Variants in TMPRSS15 observed in about 807,000 individuals in gnomAD.
TMPRSS15 encodes enteropeptidase.
In TMPRSS15, 128 loss-of-function variants were observed where a neutral mutation model predicts 125.3. The observed-to-expected ratio is 1.02, with a 90% CI of 0.89 to 1.18. The LOEUF (loss-of-function observed/expected upper bound fraction) is 1.18, where lower values mean the gene tolerates loss of function less well. Ranked by LOEUF, TMPRSS15 falls within the 50% of genes most tolerant of loss-of-function variation. TMPRSS15 has a pLI of 0.00. For missense variants in TMPRSS15, 1,283 were observed against 1,212.7 expected, an observed-to-expected ratio of 1.06 and a Z score of -0.86; for synonymous variants, 446 against 423.2, an observed-to-expected ratio of 1.05 and a Z score of -0.66.
intron 1 of TMPRSS15, 131 bp from the exon 2 acceptor site, chr21:18,398,460 T>C (rs2076062442): frequency 1.1e-6 from 1 of 876,498 alleles, no homozygotes; most frequent in East Asian, 2.6e-5. Flanking sequence ...GCTTTTTCTT[T>C]GTAGTCTCAT....
rs138734599 is a variant in TMPRSS15 at position 18,390,148 on chromosome 21, A to G, written c.345-6370T>C. ...TAGTCCCTATCTATGCCTTTCAGAC[A>G]CTGTCCCACATTTTTCATAAAACTT... On this transcript the variant is annotated intron_variant, in intron 3 of 24. Coordinates refer to ENST00000284885, the MANE Select transcript of TMPRSS15 (RefSeq NM_002772.3). Among the ~76,000 whole-genome samples, 55 of 152,264 alleles carry G rather than the reference A, an allele frequency of 3.6e-4. No homozygotes were observed. The East Asian group carries it at 0.01, about 28-fold the overall frequency.
chr21:18,382,932 G>T (rs1044984153), intron 4 of TMPRSS15, among the ~76,000 whole-genome samples: 6 of 151,602 alleles, frequency 4.0e-5, no homozygotes, highest in African/African-American at 1.2e-4. Flanking sequence ...TTCTTTTTTG[G>T]TTTATTCTTA....
chr21:18,308,260 C>T (rs557561179), intron 18 of TMPRSS15, among the ~76,000 whole-genome samples: 1 of 152,172 alleles, frequency 6.6e-6, no homozygotes, highest in South Asian at 2.1e-4. Flanking sequence ...TTTGTTGACT[C>T]TTTATCAACA....
At chr21:18,450,413 G>A (rs1310410346) in intron 1 of TMPRSS15, among the ~76,000 whole-genome samples, 1 of 152,040 alleles carries the variant, frequency 6.6e-6, no homozygotes, top group Non-Finnish European at 1.5e-5. Context: ...CCCTGAAAAC[G>A]TGGAACCTCA....
At chr21:18,271,831 T>G (rs945165138) in intron 24 of TMPRSS15, among the ~76,000 whole-genome samples, 6 of 152,100 alleles carry the variant, frequency 3.9e-5, no homozygotes, top group Non-Finnish European at 8.8e-5. Flanking sequence ...ATGCAGTGTT[T>G]GGTTTTCTGT....
At chr21:18,280,596 C>CAAAAAAAAA (rs1246672347) in intron 22 of TMPRSS15, among the ~76,000 whole-genome samples, 2 of 102,146 alleles carry the variant, frequency 2.0e-5, no homozygotes, top group African/African-American at 9.0e-5. Context: ...AAAAAAAAAA[C>CAAAAAAAAA]AACAAAACAA....
chr21:18,483,168 A>G (rs966024247), intron 1 of TMPRSS15, among the ~76,000 whole-genome samples: 2 of 151,798 alleles, frequency 1.3e-5, no homozygotes, highest in South Asian at 2.1e-4. Context: ...TTCCTTTTCA[A>G]TTCTCAAAAA....
intron 1 of TMPRSS15, 110 bp from the exon 2 acceptor site, chr21:18,398,439 C>T: frequency 2.6e-6 from 3 of 1,138,956 alleles, no homozygotes; most frequent in Non-Finnish European, 2.6e-6. Context: ...TGTGTTAGCT[C>T]TGTAGTTCTT....
intron 6 of TMPRSS15, among the ~76,000 whole-genome samples, chr21:18,365,647 C>CT (rs879399905): frequency 0.28 from 23,645 of 85,670 alleles, 4,578 homozygotes; most frequent in Non-Finnish European, 0.32. Flanking sequence ...TCTCTTTTTC[C>CT]TCCCTTCCTT....
At chr21:18,435,187 G>T (rs1401713390) in intron 1 of TMPRSS15, among the ~76,000 whole-genome samples, 1 of 152,170 alleles carries the variant, frequency 6.6e-6, no homozygotes, top group Non-Finnish European at 1.5e-5. Context: ...AGTGGTGAGA[G>T]AGGGCATCCC....
At chr21:18,336,928 G>A (rs2075398148) in intron 13 of TMPRSS15, among the ~76,000 whole-genome samples, 2 of 152,178 alleles carry the variant, frequency 1.3e-5, no homozygotes, top group African/African-American at 2.4e-5. Context: ...GCTGAATATG[G>A]CCATCAATTT....
chr21:18,404,501 A>G (rs1028966373), upstream of TMPRSS15, among the ~76,000 whole-genome samples: 8 of 152,200 alleles, frequency 5.3e-5, 2 homozygotes, highest in Admixed American at 4.6e-4. Context: ...ATAGTTGTAG[A>G]TATATGCTTT....
chr21:18,469,550 T>C (rs1978736241), intron 1 of TMPRSS15, among the ~76,000 whole-genome samples: 1 of 152,144 alleles, frequency 6.6e-6, no homozygotes. Flanking sequence ...TGGTTTATAT[T>C]GCCTTGCTCC....
intron 1 of TMPRSS15, among the ~76,000 whole-genome samples, chr21:18,481,756 C>T (rs1458547391): frequency 6.6e-6 from 1 of 151,574 alleles, no homozygotes; most frequent in Non-Finnish European, 1.5e-5. Flanking sequence ...ATGATCTCTC[C>T]TAATCTTTGC....
intron 1 of TMPRSS15, among the ~76,000 whole-genome samples, chr21:18,423,800 G>T (rs529006781): frequency 6.6e-6 from 1 of 152,164 alleles, no homozygotes; most frequent in South Asian, 2.1e-4. Context: ...ATGAAACTGA[G>T]AAAATACTGA....
In TMPRSS15 at chr21:18,365,267, T is replaced by A; in HGVS notation, c.665-19A>T. On this transcript the variant is annotated intron_variant, in intron 6 of 24. Transcript: ENST00000284885. ...ACTGTGGCTGCAAAACGATGCCAAT[T>A]AATGTTAGACAAAAACAATCTTGGG... The A allele has an allele frequency of 6.3e-7, 1 of 1,585,772 alleles. No individual in the cohort carries two copies. The highest frequency in any genetic ancestry group is 8.7e-7 in the Non-Finnish European group (1 of 1,154,152).
chr21:18,274,334 C>T (rs2074595668), intron 24 of TMPRSS15, among the ~76,000 whole-genome samples: 1 of 152,170 alleles, frequency 6.6e-6, no homozygotes. Context: ...ACATAGAATC[C>T]ATGCTCTTCA....
chr21:18,418,151 A>C (rs1260332373), intron 1 of TMPRSS15, among the ~76,000 whole-genome samples: 5 of 152,216 alleles, frequency 3.3e-5, no homozygotes, highest in Non-Finnish European at 5.9e-5. Context: ...TGTCTCTTCC[A>C]AACAGGCTCT....
chr21:18,322,856 A>C (rs2075253135), intron 16 of TMPRSS15, among the ~76,000 whole-genome samples: 3 of 152,222 alleles, frequency 2.0e-5, no homozygotes, highest in Admixed American at 2.0e-4. Context: ...GTACATTTCA[A>C]AATAACTAGA....
Sources: allele counts gnomAD v4.1 joint callset (sites outside exome capture counted in the v4.1 genomes callset), GRCh38; gene constraint gnomAD v4.1.1; transcripts MANE v1.5; gene names NCBI Gene and HGNC (gene_info 2026-07-23, HGNC 2026-07-21).